KCNQ2: variants seen among roughly 807,000 people sequenced by gnomAD.
KCNQ2 encodes the protein potassium voltage-gated channel subfamily Q member 2, also known as potassium voltage-gated channel subfamily KQT member 2.
Under a neutral mutation model 84.8 loss-of-function variants are expected in KCNQ2, and 14 were observed. The ratio of observed to expected loss-of-function variants is 0.17; its 90% confidence interval spans 0.11 to 0.26. KCNQ2 has a LOEUF of 0.26. Among genes scored for constraint, KCNQ2 ranks in the 10% least tolerant of loss-of-function variants. The pLI, the probability that KCNQ2 is intolerant of heterozygous loss-of-function variation, is 1.00. For synonymous variants in KCNQ2, 599 were observed against 554.1 expected, an observed-to-expected ratio of 1.08 and a Z score of -1.14; for missense variants, 788 against 1,254.0, an observed-to-expected ratio of 0.63 and a Z score of 5.61.
At chr20:63,458,578 G>A (rs1435857881) in intron 1 of KCNQ2, among the ~76,000 whole-genome samples, 4 of 152,158 alleles carry the variant, frequency 2.6e-5, no homozygotes, top group Non-Finnish European at 5.9e-5. Flanking sequence ...AAGTCTCCCT[G>A]GTGTATTCTC....
chr20:63,406,247 A>C lies in KCNQ2; in HGVS notation c.*397T>G. 20 of 209,972 alleles carry C rather than the reference A, an allele frequency of 9.5e-5. No homozygotes were observed. The highest frequency in any genetic ancestry group is 1.6e-4 in the Non-Finnish European group (16 of 103,066). 13.0% of individuals were successfully genotyped at this position (209,972 alleles called of 1,614,324 possible). A position where few individuals can be genotyped will look rare whatever the true frequency, so the allele number is the denominator to read the frequency against. On this transcript the variant is annotated 3_prime_UTR_variant, in exon 17 of 17. Coordinates refer to ENST00000359125, the MANE Select transcript of KCNQ2 (RefSeq NM_172107.4). ...CGCCCTTTGCGCAGGTCCTCAGGGAACAGGCCTGCCCTTTGTGCCTCCCCT... is the reference window on the plus strand; with the variant it reads ...CGCCCTTTGCGCAGGTCCTCAGGGACCAGGCCTGCCCTTTGTGCCTCCCCT...
chr20:63,417,876 G>A (rs530360371), intron 12 of KCNQ2, among the ~76,000 whole-genome samples: 24 of 152,304 alleles, frequency 1.6e-4, no homozygotes, highest in East Asian at 1.2e-3. Context: ...AGGGGCCGCC[G>A]GGACGCAGCC....
At chr20:63,431,225 G>A (rs947783083) in intron 9 of KCNQ2, 115 bp downstream of exon 9, 11 of 1,177,502 alleles carry the variant, frequency 9.3e-6, no homozygotes, top group Non-Finnish European at 1.4e-5. Flanking sequence ...CAGGGACAGT[G>A]GTCACTCTGC....
At chr20:63,426,279 C>T (rs534436982) in intron 10 of KCNQ2, among the ~76,000 whole-genome samples, 70 of 152,364 alleles carry the variant, frequency 4.6e-4, no homozygotes, top group African/African-American at 1.4e-3. Context: ...ACATCCTTCC[C>T]GATAGCTCCA....
chr20:63,428,264 C>T, intron 10 of KCNQ2, 103 bp downstream of exon 10: 1 of 862,488 alleles, frequency 1.2e-6, no homozygotes, highest in East Asian at 2.7e-5. Flanking sequence ...TCCCAGCTCC[C>T]TGGAGTCCCT....
At chr20:63,445,088 C>A in intron 3 of KCNQ2, 150 bp downstream of exon 3, 2 of 1,129,286 alleles carry the variant, frequency 1.8e-6, no homozygotes, top group South Asian at 1.4e-5. Flanking sequence ...GCCTCTGACT[C>A]CAAGTCAGCA....
intron 8 of KCNQ2, chr20:63,433,507 G>A (rs2080892785): frequency 1.7e-6 from 1 of 588,724 alleles, no homozygotes; most frequent in Admixed American, 3.1e-5. Context: ...GCCCGGGGCG[G>A]GGGGCATTTA....
intron 1 of KCNQ2, among the ~76,000 whole-genome samples, chr20:63,453,241 C>T (rs1719971437): frequency 6.6e-6 from 1 of 152,250 alleles, no homozygotes; most frequent in Non-Finnish European, 1.5e-5. Context: ...GGCCCTGAGG[C>T]ACCGTCGCCA....
In KCNQ2 at chr20:63,425,332, T is replaced by C. The variant is rs1172863546; in HGVS notation, c.1218-1126A>G. ...TTCCCCCGACCCCCCAAAATTCATGTCCATCTTACATCGAGAATACACTCA... is the reference window on the plus strand; with the variant it reads ...TTCCCCCGACCCCCCAAAATTCATGCCCATCTTACATCGAGAATACACTCA... On this transcript the variant is annotated intron_variant, in intron 10 of 16. Coordinates refer to ENST00000359125, the MANE Select transcript of KCNQ2 (RefSeq NM_172107.4). The surrounding 1 kb of genome is among the most constrained non-coding windows in gnomAD (Gnocchi z 5.5). Among the ~76,000 whole-genome samples, 1 of 152,132 alleles carries C rather than the reference T, an allele frequency of 6.6e-6. No individual in the cohort carries two copies. The highest frequency in any genetic ancestry group is 1.9e-4 in the East Asian group (1 of 5,190).
Position 63,400,565 on chromosome 20 carries a change from G to A in KCNQ2, c.*6079C>T. On this transcript the variant is annotated 3_prime_UTR_variant, in exon 17 of 17. Transcript: ENST00000359125. This position sits in a 1 kb window ranked among gnomAD's most constrained non-coding sequence, Gnocchi z 8.7. ...GGACACATACAAAATGGTCAGAAGT[G>A]TACGTCGGTACTGAAGGCATTATGA... 3 of 398,522 alleles carry A rather than the reference G, an allele frequency of 7.5e-6. No individual in the cohort carries two copies. Among genetic ancestry groups the A allele is most frequent in the Non-Finnish European group, 1.3e-5 (3 of 225,998 alleles). The allele number at this position is 398,522 out of a possible 1,614,324, so 24.7% of individuals were successfully genotyped here.
chr20:63,411,959 C>G, intron 15 of KCNQ2: 1 of 683,850 alleles, frequency 1.5e-6, no homozygotes. Context: ...TGGCCAGGAA[C>G]TGGCGGAAAC....
intron 1 of KCNQ2, chr20:63,463,932 G>C (rs114119959): frequency 6.6e-6 from 1 of 151,888 alleles, no homozygotes; most frequent in Non-Finnish European, 1.5e-5. Flanking sequence ...GGAGCTGCCC[G>C]TCCGCCCCCA....
chr20:63,440,059 G>A (rs886349274), intron 5 of KCNQ2, among the ~76,000 whole-genome samples: 1 of 152,262 alleles, frequency 6.6e-6, no homozygotes, highest in African/African-American at 2.4e-5. Context: ...AGAAGGGAGT[G>A]CCCAGAGGGA....
intron 1 of KCNQ2, among the ~76,000 whole-genome samples, chr20:63,465,857 C>G (rs1159648126): frequency 1.3e-5 from 2 of 152,236 alleles, no homozygotes; most frequent in African/African-American, 4.8e-5. Flanking sequence ...CCGGGCACCG[C>G]CGTTTCCGCT....
At chr20:63,442,887 CCAT>C (rs2081244679) in intron 4 of KCNQ2, among the ~76,000 whole-genome samples, 2 of 34,538 alleles carry the variant, frequency 5.8e-5, no homozygotes, top group Admixed American at 2.9e-4. Flanking sequence ...ATCACCACCA[CCAT>C]CACCACCATC....
rs528470788 is a variant in KCNQ2 at position 63,455,120 on chromosome 20, A to G, written c.297-8283T>C. 2.3e-3 allele frequency among the ~76,000 whole-genome samples: 351 copies of G among 152,240 alleles called. 2 individuals carry two copies. Among genetic ancestry groups the G allele is most frequent in the African/African-American group, 8.1e-3 (337 of 41,548 alleles). Reference sequence around the variant, plus strand: ...GGGAGGATGAGGGGAGGACGGCGGGAAGACGATGGGAGGATGGGAGGACGG... The same window carrying G: ...GGGAGGATGAGGGGAGGACGGCGGGGAGACGATGGGAGGATGGGAGGACGG... On this transcript the variant is annotated intron_variant, in intron 1 of 16. Coordinates refer to ENST00000359125, the MANE Select transcript of KCNQ2 (RefSeq NM_172107.4).
intron 11 of KCNQ2, among the ~76,000 whole-genome samples, chr20:63,422,025 G>A (rs1023455997): frequency 1.3e-5 from 2 of 152,096 alleles, no homozygotes; most frequent in African/African-American, 4.8e-5. Context: ...GTGAGTGAGG[G>A]TCCCTGTGTC....
rs368911314 is a variant in KCNQ2, at chr20:63,424,357, C to A, written c.1218-151G>T. The A allele has an allele frequency of 4.8e-5, 43 of 900,120 alleles. No homozygotes were observed. In the African/African-American group the frequency reaches 6.3e-4, roughly 13 times the overall value. The allele number at this position is 900,120 out of a possible 1,614,324, so 55.8% of individuals were successfully genotyped here. On this transcript the variant is annotated intron_variant, in intron 10 of 16. Coordinates refer to ENST00000359125, the MANE Select transcript of KCNQ2 (RefSeq NM_172107.4). ...CTGGGCAGGGGTGGAGCTGGCCCAC[C>A]CACCCCAGAGAGCCCACGGCCCCAG...
chr20:63,468,514 C>T (rs1045304773), intron 1 of KCNQ2, among the ~76,000 whole-genome samples: 2 of 152,200 alleles, frequency 1.3e-5, no homozygotes, highest in African/African-American at 2.4e-5. Flanking sequence ...AGAGGCCCAG[C>T]GGCCTGTGCT....
Sources: allele counts gnomAD v4.1 joint callset (sites outside exome capture counted in the v4.1 genomes callset), GRCh38; gene constraint gnomAD v4.1.1; non-coding constraint Gnocchi (gnomAD v3.1); transcripts MANE v1.5; gene names NCBI Gene and HGNC (gene_info 2026-07-23, HGNC 2026-07-21).